The following LRP4 variants were observed in gnomAD, a reference collection of about 807,000 sequenced individuals.
LRP4 encodes the protein LDL receptor related protein 4.
In LRP4, 95 loss-of-function variants were observed where a neutral mutation model predicts 220.3. That is an observed-to-expected ratio of 0.43 (90% CI 0.37 to 0.51). LRP4 has a LOEUF of 0.51. Ranked by LOEUF, LRP4 falls within the 20% of genes least tolerant of loss-of-function variation. The pLI is 0.00. For synonymous variants in LRP4, 903 were observed against 954.6 expected, an observed-to-expected ratio of 0.95 and a Z score of 1.00; for missense variants, 1,925 against 2,567.0, an observed-to-expected ratio of 0.75 and a Z score of 5.40.
At chr11:46,906,026 G>C (rs550469429) in intron 1 of LRP4, among the ~76,000 whole-genome samples, 5 of 152,220 alleles carry the variant, frequency 3.3e-5, no homozygotes, top group Admixed American at 2.0e-4. Context: ...GAGGAAGTAG[G>C]GGGGAATAGG....
chr11:46,901,871 C>A (rs368349875), intron 2 of LRP4, among the ~76,000 whole-genome samples: 21 of 151,920 alleles, frequency 1.4e-4, no homozygotes, highest in African/African-American at 4.8e-4. Context: ...TAGCTGGGAC[C>A]TCAGGTGCCT....
chr11:46,865,265 G>A, intron 34 of LRP4, 79 bp from the exon 35 acceptor site: 1 of 1,043,960 alleles, frequency 9.6e-7, no homozygotes, highest in Non-Finnish European at 1.5e-6. Flanking sequence ...AAGGGGGAAA[G>A]GCCTGTAAGT....
chr11:46,868,454 C>A, intron 33 of LRP4, 146 bp downstream of exon 33: 1 of 719,660 alleles, frequency 1.4e-6, no homozygotes, highest in Non-Finnish European at 2.5e-6. Flanking sequence ...AAAACCCAAG[C>A]AGACTGCTAC....
In LRP4 at chr11:46,896,907, C is replaced by T; in HGVS notation, c.884G>A (p.Cys295Tyr). 6.2e-7 allele frequency: 1 copy of T among 1,614,248 alleles called. No individual in the cohort carries two copies. Among genetic ancestry groups the T allele is most frequent in the Non-Finnish European group, 8.5e-7 (1 of 1,180,044 alleles). Residue 295 changes from cysteine (C) to tyrosine (Y), a missense_variant, in exon 8 of 38, where the codon TGT (cysteine) becomes TAT (tyrosine). Cys to Tyr is a radical substitution (Grantham distance 194, BLOSUM62 -2). Around this residue, in one of 3 missense-constraint regions of LRP4, gnomAD observed 412 missense variants for 505.4 expected, o/e 0.82. Coordinates refer to ENST00000378623, the MANE Select transcript of LRP4 (RefSeq NM_002334.4). ...LSWRCDGEDD[C>Y]ADNSDEENCE... ...GTTCTCTTCATCGCTGTTGTCTGCA[C>T]AGTCGTCCTCCCCATCACAGCGCCA... is the stretch of plus-strand genomic sequence containing the variant.
rs17848239 is a variant in LRP4 at position 46,898,944 on chromosome 11, G to A, written c.636C>T (p.Gly212=). The change falls in exon 6 of 38, where the codon GGC becomes GGT. Residue 212 remains glycine (G), a synonymous_variant. Coordinates refer to ENST00000378623, the MANE Select transcript of LRP4 (RefSeq NM_002334.4). ...CTGACCAGTCTCCACAGTCATCGTC[G>A]CCATCGCAGTGGTAGATGTCGAGGA... is the stretch of plus-strand genomic sequence containing the variant. The part of the protein sequence containing the change: ...RCILDIYHCD[G]DDDCGDWSDE... 165 of 1,613,822 alleles carry A rather than the reference G, an allele frequency of 1.0e-4. 1 individual carries two copies. The highest frequency in any genetic ancestry group is 4.1e-4 in the African/African-American group (31 of 75,016).
chr11:46,911,179 G>A (rs1347350567), intron 1 of LRP4, among the ~76,000 whole-genome samples: 1 of 152,102 alleles, frequency 6.6e-6, no homozygotes, highest in Admixed American at 6.6e-5. Flanking sequence ...AGCTGTTATT[G>A]TTTTTCTTGT....
rs571487679 is a variant in LRP4, at chr11:46,904,144, T to C, written c.53-1215A>G. Among the ~76,000 whole-genome samples, 33 of 152,312 alleles carry C rather than the reference T, an allele frequency of 2.2e-4. 1 individual carries two copies. In the South Asian group the frequency reaches 6.8e-3, roughly 32 times the overall value. ...TGGGGAAGGAGGGGGCCGCAGCGCA[T>C]GGCTCATCTCTCCCCCTTCCTTTCT... On this transcript the variant is annotated intron_variant, in intron 1 of 37. Coordinates refer to ENST00000378623, the MANE Select transcript of LRP4 (RefSeq NM_002334.4).
At position 46,864,660 on chromosome 11, in the gene LRP4, TA is replaced by T. The variant is rs1294985149; in HGVS notation, c.5156-126del. ...GGACCCCATACCATCTGAGGATGGC[TA>T]AGGGCCTCCTTTTCAGATAGGTAAA... is the stretch of plus-strand genomic sequence containing the variant. On this transcript the variant is annotated intron_variant, in intron 35 of 37. Coordinates refer to ENST00000378623, the MANE Select transcript of LRP4 (RefSeq NM_002334.4). 8.3e-6 allele frequency: 6 copies of T among 722,026 alleles called. No individual in the cohort carries two copies. In the Admixed American group the frequency reaches 1.0e-4, roughly 12 times the overall value. 44.7% of individuals were successfully genotyped at this position (722,026 alleles called of 1,614,324 possible).
rs1022979774 is a variant in LRP4 at position 46,882,926 on chromosome 11, T to C, written c.2612+945A>G. On this transcript the variant is annotated intron_variant, in intron 19 of 37. Transcript: ENST00000378623. ...CTCAACTGGAAAGACACACAAGATA[T>C]AAGGGCAAGCAGAAAAAAAGTCACA... Among the ~76,000 whole-genome samples the C allele has an allele frequency of 5.3e-5, 8 of 151,860 alleles. No individual in the cohort carries two copies. In the East Asian group the frequency reaches 7.7e-4, roughly 15 times the overall value.
At chr11:46,878,792 AAGC>A in intron 22 of LRP4, 112 bp downstream of exon 22, 1 of 1,473,732 alleles carries the variant, frequency 6.8e-7, no homozygotes, top group Non-Finnish European at 9.4e-7. Flanking sequence ...GGGCCTCTAG[AAGC>A]AGCAGGACTC....
chr11:46,871,703 C>A (rs1940869205), intron 30 of LRP4, 70 bp from the exon 31 acceptor site: 1 of 1,004,310 alleles, frequency 1.0e-6, no homozygotes. Context: ...CCCCTATGAA[C>A]CTGTTTGTCC....
chr11:46,896,773 C>A (rs1941541046), intron 8 of LRP4, 96 bp downstream of exon 8: 1 of 1,587,386 alleles, frequency 6.3e-7, no homozygotes, highest in African/African-American at 1.3e-5. Flanking sequence ...ACTGGTAAAA[C>A]CTCAACCCAA....
In LRP4 at chr11:46,890,004, G is replaced by A. The variant is rs1298385569; in HGVS notation, c.2032C>T (p.Arg678Cys). The A allele has an allele frequency of 3.7e-6, 6 of 1,614,112 alleles. No homozygotes were observed. The highest frequency in any genetic ancestry group is 1.1e-5 in the South Asian group (1 of 91,066). The change falls in exon 15 of 38, where the codon CGC (arginine) becomes TGC (cysteine). Residue 678 changes from arginine (R) to cysteine (C), a missense_variant. Arg to Cys is a radical substitution (Grantham distance 180, BLOSUM62 -3). Transcript: ENST00000378623. This position sits in a 1 kb window ranked among gnomAD's most constrained non-coding sequence, Gnocchi z 5.3. Reference protein sequence around the residue: ...KFTGKNQEIIRNKLHFPMDIH... With the variant: ...KFTGKNQEIICNKLHFPMDIH... The stretch of plus-strand genomic sequence containing the variant: ...TCCATAGGGAAGTGGAGTTTGTTGC[G>A]AATGATTTCCTGGTTCTTCCCCGTA...
chr11:46,875,760 C>A lies in LRP4; in HGVS notation c.3699+44G>T, dbSNP rs755065585. On this transcript the variant is annotated intron_variant, in intron 26 of 37. Coordinates refer to ENST00000378623, the MANE Select transcript of LRP4 (RefSeq NM_002334.4). The surrounding 1 kb of genome is among the most constrained non-coding windows in gnomAD (Gnocchi z 4.5). ...ATGGAGATCCTAGGCAGGCCTTTCC[C>A]ATCTTCCCAGGCTCCTGGGAAGCAG... 1.2e-6 allele frequency: 2 copies of A among 1,613,870 alleles called. No homozygotes were observed. The highest frequency in any genetic ancestry group is 2.2e-5 in the East Asian group (1 of 44,866).
rs1417153260 is a variant in LRP4, at chr11:46,862,649, A to G, written c.5342T>C (p.Ile1781Thr). Residue 1781 changes from isoleucine to threonine, a missense_variant, in exon 37 of 38, where the codon ATC (isoleucine) becomes ACC (threonine). Ile to Thr is a moderately conservative substitution (Grantham distance 89, BLOSUM62 -1). This residue lies in a region of LRP4 where 1,244 missense variants were observed against 1,624.9 expected (regional missense o/e 0.77). Transcript: ENST00000378623. The stretch of plus-strand genomic sequence containing the variant: ...CTGGTTGTACATGGCTGGTTTGGGG[A>G]TTGCTTCAATCTTCACTTCCTGTGT... ...TSTQEVKIEA[I>T]PKPAMYNQLC... 4 of 1,613,832 alleles carry G rather than the reference A, an allele frequency of 2.5e-6. No homozygotes were observed. In the South Asian group the frequency reaches 4.4e-5, roughly 18 times the overall value.
intron 18 of LRP4, among the ~76,000 whole-genome samples, chr11:46,884,486 C>T (rs1592531155): frequency 6.6e-6 from 1 of 152,114 alleles, no homozygotes; most frequent in Middle Eastern, 3.4e-3. Flanking sequence ...CCTGTAATCC[C>T]AGCAGTTTGG....
At position 46,864,581 on chromosome 11, in the gene LRP4, C is replaced by T. The variant is rs759876447; in HGVS notation, c.5156-46G>A. On this transcript the variant is annotated intron_variant, in intron 35 of 37. Coordinates refer to ENST00000378623, the MANE Select transcript of LRP4 (RefSeq NM_002334.4). ...CTAGGCAGGGGCCACCGACAACTTTCTAGCGGTGCTGGTGTGAGGAATGGA... is the reference window on the plus strand; with the variant it reads ...CTAGGCAGGGGCCACCGACAACTTTTTAGCGGTGCTGGTGTGAGGAATGGA... 15 of 1,264,632 alleles carry T rather than the reference C, an allele frequency of 1.2e-5. No homozygotes were observed. The South Asian group carries it at 1.4e-4, about 12-fold the overall frequency. The allele number at this position is 1,264,632 out of a possible 1,614,324, so 78.3% of individuals were successfully genotyped here. A position where few individuals can be genotyped will look rare whatever the true frequency, so the allele number is the denominator to read the frequency against.
At position 46,865,191 on chromosome 11, in the gene LRP4, G is replaced by A. The variant is rs994961184; in HGVS notation, c.5088-5C>T. The stretch of plus-strand genomic sequence containing the variant: ...CTGGCATCCCTTTCAGAGCATCTGT[G>A]GGGCACAGAAAACTGGATGTGAAGC... On this transcript the variant is annotated splice_region_variant and splice_polypyrimidine_tract_variant and intron_variant, in intron 34 of 37. Coordinates refer to ENST00000378623, the MANE Select transcript of LRP4 (RefSeq NM_002334.4). 2 of 1,553,466 alleles carry A rather than the reference G, an allele frequency of 1.3e-6. No homozygotes were observed. Among genetic ancestry groups the A allele is most frequent in the Non-Finnish European group, 1.7e-6 (2 of 1,147,492 alleles).
At position 46,889,510 on chromosome 11, in the gene LRP4, T is replaced by C. The variant is rs1050688931; in HGVS notation, c.2116A>G (p.Asn706Asp). The C allele has an allele frequency of 1.2e-6, 2 of 1,613,910 alleles. No individual in the cohort carries two copies. The highest frequency in any genetic ancestry group is 1.1e-5 in the South Asian group (1 of 91,092). ...PAGKNRCGDN[N>D]GGCTHLCLPS... ...AGACACAGGTGCGTGCAGCCTCCGT[T>C]GTTGTCCCCACAGCGGTTTTTCCCT... The change falls in exon 16 of 38, where the codon AAC (asparagine) becomes GAC (aspartate). Residue 706 changes from asparagine to aspartate, a missense_variant. By Grantham distance (23) the Asn-to-Asp change is conservative. Around this residue, in one of 3 missense-constraint regions of LRP4, gnomAD observed 1,244 missense variants for 1,624.9 expected, o/e 0.77. Coordinates refer to ENST00000378623, the MANE Select transcript of LRP4 (RefSeq NM_002334.4).
Sources: allele counts gnomAD v4.1 joint callset (sites outside exome capture counted in the v4.1 genomes callset), GRCh38; gene constraint gnomAD v4.1.1; regional missense constraint gnomAD v4.1.1; non-coding constraint Gnocchi (gnomAD v3.1); transcripts MANE v1.5; gene names NCBI Gene and HGNC (gene_info 2026-07-23, HGNC 2026-07-21).